The following HDAC9 variants were observed in gnomAD, a reference collection of about 807,000 sequenced individuals.
HDAC9 encodes the protein histone deacetylase 9, also known as MEF-2 interacting transcription repressor (MITR) protein.
HDAC9 carries 41 observed loss-of-function variants against 139.4 expected under a neutral mutation model. That is an observed-to-expected ratio of 0.29 (90% CI 0.23 to 0.38). The LOEUF is 0.38. HDAC9 is among the 10% of genes least tolerant of loss of function. The pLI, the probability that HDAC9 is intolerant of heterozygous loss-of-function variation, is 1.00. For missense variants in HDAC9, 1,147 were observed against 1,297.0 expected (o/e 0.88, Z 1.78); for synonymous variants, 517 against 476.2 (o/e 1.09, Z -1.12).
At chr7:18,859,282 C>T (rs1429904914) in intron 21 of HDAC9, among the ~76,000 whole-genome samples, 1 of 152,074 alleles carries the variant, frequency 6.6e-6, no homozygotes, top group African/African-American at 2.4e-5. Context: ...AAAAGAGTTT[C>T]CTTGCCTCCA....
At chr7:18,343,721 A>G (rs1782188305) in intron 1 of HDAC9, among the ~76,000 whole-genome samples, 1 of 151,958 alleles carries the variant, frequency 6.6e-6, no homozygotes, top group African/African-American at 2.4e-5. Context: ...TCTTGGATTC[A>G]GTAAAAATAA....
intron 2 of HDAC9, among the ~76,000 whole-genome samples, chr7:18,189,105 A>C (rs1264284356): frequency 6.6e-6 from 1 of 152,204 alleles, no homozygotes; most frequent in Non-Finnish European, 1.5e-5. Flanking sequence ...AATGCCCATC[A>C]ATGATAGACT....
chr7:18,563,887 G>C (rs1186612665), intron 2 of HDAC9, among the ~76,000 whole-genome samples: 1 of 148,046 alleles, frequency 6.8e-6, no homozygotes, highest in African/African-American at 2.5e-5. Context: ...CCAGGCTGGA[G>C]TGCAATGCCA....
At chr7:18,818,101 C>G (rs1323313440) in intron 17 of HDAC9, among the ~76,000 whole-genome samples, 2 of 152,178 alleles carry the variant, frequency 1.3e-5, no homozygotes, top group East Asian at 3.8e-4. Context: ...AGTAGTAATT[C>G]AACCATCACA....
intron 17 of HDAC9, among the ~76,000 whole-genome samples, chr7:18,805,246 T>C (rs189216505): frequency 3.0e-4 from 46 of 152,344 alleles, no homozygotes; most frequent in South Asian, 1.4e-3. Context: ...GGAGTAGCTT[T>C]TCAGTCTTTA....
At position 18,869,890 on chromosome 7, in the gene HDAC9, T is replaced by G. The variant is rs1047912286; in HGVS notation, c.2685-4588T>G. 9.5e-3 allele frequency among the ~76,000 whole-genome samples: 457 copies of G among 48,086 alleles called. 3 individuals carry two copies. Among genetic ancestry groups the G allele is most frequent in the African/African-American group, 0.054 (433 of 7,952 alleles). The allele number at this position is 48,086 out of a possible 152,430, so 31.5% of individuals were successfully genotyped here. A position where few individuals can be genotyped will look rare whatever the true frequency, so the allele number is the denominator to read the frequency against. ...CTTTCTTTTTTGGGTTTTTTTTGTT[T>G]TTTTTTTTTAGTGTGCTTCCAGTCA... On this transcript the variant is annotated intron_variant, in intron 21 of 25. Coordinates refer to ENST00000686413, the MANE Select transcript of HDAC9 (RefSeq NM_178425.4).
At chr7:18,503,588 C>T (rs1798970018) in intron 2 of HDAC9, among the ~76,000 whole-genome samples, 3 of 152,014 alleles carry the variant, frequency 2.0e-5, no homozygotes, top group South Asian at 2.1e-4. Context: ...ATGGGCTTTT[C>T]GTGTACAGTG....
chr7:18,257,232 T>C (rs1795316299), intron 2 of HDAC9, among the ~76,000 whole-genome samples: 1 of 151,192 alleles, frequency 6.6e-6, no homozygotes, highest in Non-Finnish European at 1.5e-5. Flanking sequence ...TCCAGCACTT[T>C]AGGAGGCCTA....
chr7:18,356,358 GTTTTTT>G (rs5882659), intron 1 of HDAC9, among the ~76,000 whole-genome samples: 4 of 55,140 alleles, frequency 7.3e-5, no homozygotes, highest in African/African-American at 2.9e-4. Context: ...CAGCACATAG[GTTTTTT>G]TTTTTTTTTT....
chr7:18,911,953 A>G (rs753657182), intron 22 of HDAC9, among the ~76,000 whole-genome samples: 1 of 152,038 alleles, frequency 6.6e-6, no homozygotes, highest in Non-Finnish European at 1.5e-5. Context: ...TGTACTAATG[A>G]GAAGAATGTG....
chr7:18,280,751 A>T (rs1466682606), intron 2 of HDAC9, among the ~76,000 whole-genome samples: 1 of 138,520 alleles, frequency 7.2e-6, no homozygotes, highest in Non-Finnish European at 1.6e-5. Flanking sequence ...TGACAGAATG[A>T]GACCCTGTCT....
chr7:18,183,152 G>A (rs1298101013), intron 2 of HDAC9, among the ~76,000 whole-genome samples: 3 of 151,996 alleles, frequency 2.0e-5, no homozygotes, highest in Non-Finnish European at 4.4e-5. Context: ...TGGGACTACA[G>A]GTGCCTGCCA....
chr7:18,779,872 T>G (rs1791095161), intron 16 of HDAC9, among the ~76,000 whole-genome samples: 1 of 151,930 alleles, frequency 6.6e-6, no homozygotes, highest in African/African-American at 2.4e-5. Context: ...ACTAATAGTC[T>G]ACCATTAGAA....
chr7:18,822,473 G>T lies in HDAC9; in HGVS notation c.2323-6688G>T, dbSNP rs189947331. On this transcript the variant is annotated intron_variant, in intron 17 of 25. Coordinates refer to ENST00000686413, the MANE Select transcript of HDAC9 (RefSeq NM_178425.4). ...GGGTTCAAGCGATTCTCCTGCCTCA[G>T]ACTCCCGACTAGTTGGGATTACAGG... 3.9e-3 allele frequency among the ~76,000 whole-genome samples: 587 copies of T among 152,258 alleles called. 3 individuals carry two copies. Among genetic ancestry groups the T allele is most frequent in the African/African-American group, 0.013 (539 of 41,536 alleles).
chr7:18,409,153 G>A (rs1222899834), intron 1 of HDAC9, among the ~76,000 whole-genome samples: 1 of 152,134 alleles, frequency 6.6e-6, no homozygotes, highest in East Asian at 1.9e-4. Context: ...TGCCTTGGAA[G>A]CAAACAAATT....
At chr7:18,790,207 A>G (rs142529305) in intron 16 of HDAC9, among the ~76,000 whole-genome samples, 6 of 152,296 alleles carry the variant, frequency 3.9e-5, no homozygotes, top group African/African-American at 1.4e-4. Flanking sequence ...TGACTTATGA[A>G]CAAGATTTTG....
intron 19 of HDAC9, among the ~76,000 whole-genome samples, chr7:18,831,982 G>A (rs956438319): frequency 6.6e-6 from 1 of 152,080 alleles, no homozygotes; most frequent in Admixed American, 6.6e-5. Context: ...TACTACTTTG[G>A]GTCACAGCCA....
chr7:18,204,664 T>G (rs1471944810), intron 2 of HDAC9, among the ~76,000 whole-genome samples: 2 of 152,026 alleles, frequency 1.3e-5, no homozygotes, highest in African/African-American at 4.8e-5. Flanking sequence ...TGTGTGTTCT[T>G]TTTTTCTTCA....
chr7:18,502,756 T>C (rs1247389178), intron 2 of HDAC9: 1 of 152,200 alleles, frequency 6.6e-6, no homozygotes, highest in Non-Finnish European at 1.5e-5. Flanking sequence ...GAAGTAATTG[T>C]AGAAGAAACT....
Sources: allele counts gnomAD v4.1 joint callset (sites outside exome capture counted in the v4.1 genomes callset), GRCh38; gene constraint gnomAD v4.1.1; transcripts MANE v1.5; gene names NCBI Gene and HGNC (gene_info 2026-07-23, HGNC 2026-07-21).